The following IGSF10 variants were observed in gnomAD, a reference collection of about 807,000 sequenced individuals.
IGSF10 encodes immunoglobulin superfamily member 10.
IGSF10 carries 126 observed loss-of-function variants against 128.2 expected under a neutral mutation model. The observed-to-expected ratio is 0.98, with a 90% CI of 0.85 to 1.14. The LOEUF is 1.14. Ranked by LOEUF, IGSF10 falls within the 50% of genes most tolerant of loss-of-function variation. IGSF10 has a pLI of 0.00. For missense variants in IGSF10, 3,295 were observed against 3,149.8 expected (o/e 1.05, Z -1.10); for synonymous variants, 1,185 against 1,146.2 (o/e 1.03, Z -0.68).
At chr3:151,464,148 C>G (rs1421977222), upstream of IGSF10, among the ~76,000 whole-genome samples, 1 of 152,192 alleles carries the variant, frequency 6.6e-6, no homozygotes, top group African/African-American at 2.4e-5. Context: ...TCAATCTGAA[C>G]TCCTAAACCT....
the IGSF10 span, among the ~76,000 whole-genome samples, chr3:151,577,665 C>T: frequency 1.5e-4 from 23 of 152,112 alleles, no homozygotes; most frequent in South Asian, 4.2e-4. Context: ...AAAAAAAAAT[C>T]CACAAATGCC....
the IGSF10 span, among the ~76,000 whole-genome samples, chr3:151,467,973 T>C: frequency 1.3e-5 from 2 of 152,266 alleles, no homozygotes; most frequent in South Asian, 2.1e-4. Flanking sequence ...CTGCAAAAAG[T>C]TGATTAGTCT....
chr3:151,445,051 T>C lies in IGSF10; in HGVS notation c.4930A>G (p.Ile1644Val). Residue 1644 changes from isoleucine to valine, a missense_variant, in exon 6 of 8, where the codon ATA (isoleucine) becomes GTA (valine). By Grantham distance (29) the Ile-to-Val change is conservative (BLOSUM62 3). Transcript: ENST00000282466. ...CCAACTATCCTGGGCTTTTCAAATA[T>C]ATACCTAGACAAAGAGTCAAAGGGA... is the stretch of plus-strand genomic sequence containing the variant. ...LLPFDSLSRY[I>V]FEKPRIVGGK... is the part of the protein sequence containing the mutation. The C allele has an allele frequency of 6.2e-7, 1 of 1,614,206 alleles. No homozygotes were observed.
the IGSF10 span, among the ~76,000 whole-genome samples, chr3:151,496,617 T>G: frequency 7.4e-6 from 1 of 134,298 alleles, no homozygotes; most frequent in Non-Finnish European, 1.6e-5. Context: ...TTTGCTATTG[T>G]GAATAGTGCC....
In IGSF10 at chr3:151,447,785, T is replaced by C; in HGVS notation, c.2196A>G (p.Ser732=). The change falls in exon 6 of 8, where the codon TCA becomes TCG. Residue 732 remains serine, a synonymous_variant. Coordinates refer to ENST00000282466, the MANE Select transcript of IGSF10 (RefSeq NM_178822.5). ...TATTCTCCCTAAAACGTCGATGTGT[T>C]GAATCTCCACGTCGCTGGAGTGTTA... ...RELTLQRRGD[S]THRRFRENRR... 1 of 1,614,152 alleles carries C rather than the reference T, an allele frequency of 6.2e-7. No individual in the cohort carries two copies. Among genetic ancestry groups the C allele is most frequent in the Non-Finnish European group, 8.5e-7 (1 of 1,180,012 alleles).
chr3:151,521,088 A>G, the IGSF10 span, among the ~76,000 whole-genome samples: 1 of 151,950 alleles, frequency 6.6e-6, no homozygotes, highest in Non-Finnish European at 1.5e-5. Context: ...TACTAATTTC[A>G]GACAAAACAG....
chr3:151,547,938 T>C, the IGSF10 span, among the ~76,000 whole-genome samples: 1 of 152,232 alleles, frequency 6.6e-6, no homozygotes, highest in Non-Finnish European at 1.5e-5. Context: ...TCTAGTTTTA[T>C]ATGTTTGTGG....
the IGSF10 span, among the ~76,000 whole-genome samples, chr3:151,497,705 T>C: frequency 6.6e-6 from 1 of 152,204 alleles, no homozygotes; most frequent in Non-Finnish European, 1.5e-5. Context: ...TTTTTCCAAT[T>C]TTTTGAAGAA....
At chr3:151,438,813 T>TAC (rs1221903117) in intron 7 of IGSF10, among the ~76,000 whole-genome samples, 10 of 142,946 alleles carry the variant, frequency 7.0e-5, no homozygotes, top group Non-Finnish European at 1.0e-4. Flanking sequence ...TATATATATA[T>TAC]ACATTTTGAG....
chr3:151,480,200 A>G, the IGSF10 span, among the ~76,000 whole-genome samples: 19 of 152,206 alleles, frequency 1.2e-4, no homozygotes, highest in Non-Finnish European at 2.4e-4. Flanking sequence ...AAAATAAAGA[A>G]GAGTACCATA....
At chr3:151,525,268 G>A in the IGSF10 span, among the ~76,000 whole-genome samples, 3 of 151,716 alleles carry the variant, frequency 2.0e-5, no homozygotes, top group East Asian at 1.9e-4. Flanking sequence ...AGTAGTTTAC[G>A]GAAGTACAAT....
chr3:151,519,620 C>T, the IGSF10 span, among the ~76,000 whole-genome samples: 136 of 151,808 alleles, frequency 9.0e-4, 1 homozygote, highest in Admixed American at 7.5e-3. Context: ...GGATGGGCTG[C>T]CTGCAGAATG....
the IGSF10 span, among the ~76,000 whole-genome samples, chr3:151,592,314 T>G: frequency 6.6e-6 from 1 of 152,002 alleles, no homozygotes; most frequent in Non-Finnish European, 1.5e-5. Flanking sequence ...ACCTTACTTA[T>G]AAGCTAAATA....
At chr3:151,505,136 G>A in the IGSF10 span, among the ~76,000 whole-genome samples, 1 of 152,152 alleles carries the variant, frequency 6.6e-6, no homozygotes, top group Non-Finnish European at 1.5e-5. Flanking sequence ...TCGTTCTCAT[G>A]CTGCTATGAA....
chr3:151,554,465 GATT>G, the IGSF10 span, among the ~76,000 whole-genome samples: 1 of 147,448 alleles, frequency 6.8e-6, no homozygotes, highest in Admixed American at 6.6e-5. Context: ...TTGCCAAAGC[GATT>G]TTCTCCATGT....
At chr3:151,541,118 C>A in the IGSF10 span, among the ~76,000 whole-genome samples, 2,482 of 152,138 alleles carry the variant, frequency 0.016, 22 homozygotes, top group South Asian at 0.026. Flanking sequence ...CTTAAAATAC[C>A]CTCAAAACCT....
chr3:151,442,657 A>G (rs1191344345), intron 7 of IGSF10, among the ~76,000 whole-genome samples: 2 of 150,850 alleles, frequency 1.3e-5, no homozygotes, highest in Non-Finnish European at 2.9e-5. Context: ...CCAAAGTGCT[A>G]GGATTACAGG....
Position 151,436,662 on chromosome 3 carries a change from A to C in IGSF10, c.*27T>G, listed in dbSNP as rs1369063012. 1.4e-5 allele frequency: 21 copies of C among 1,490,892 alleles called. No homozygotes were observed. The highest frequency in any genetic ancestry group is 1.6e-5 in the Non-Finnish European group (18 of 1,097,764). 92.4% of individuals were successfully genotyped at this position (1,490,892 alleles called of 1,614,324 possible). A position where few individuals can be genotyped will look rare whatever the true frequency, so the allele number is the denominator to read the frequency against. ...TTCTTCCAAAAAATAAATTCTGCCC[A>C]GATGTTGTTGACTTTATTATTTCAT... On this transcript the variant is annotated 3_prime_UTR_variant, in exon 8 of 8. Transcript: ENST00000282466.
the IGSF10 span, among the ~76,000 whole-genome samples, chr3:151,616,596 A>G: frequency 6.6e-6 from 1 of 152,228 alleles, no homozygotes; most frequent in African/African-American, 2.4e-5. Flanking sequence ...CAAAAGACTA[A>G]TATATTTGGG....
Sources: gnomAD v4.1 joint callset for allele counts (sites outside exome capture counted in the v4.1 genomes callset) on GRCh38, gnomAD v4.1.1 for gene constraint, MANE v1.5 for transcripts, NCBI Gene and HGNC (gene_info 2026-07-23, HGNC 2026-07-21) for gene names.